Variants in RNF152 observed in about 807,000 individuals in gnomAD.
The protein encoded by RNF152 is ring finger protein 152.
Under a neutral mutation model 12.7 loss-of-function variants are expected in RNF152, and 11 were observed. The ratio of observed to expected loss-of-function variants is 0.86; its 90% CI spans 0.54 to 1.43. The LOEUF is 1.43. Among genes scored for constraint, RNF152 ranks in the 40% most tolerant of loss-of-function variants. The probability of loss-of-function intolerance (pLI) is 0.00; values close to 1 mark genes in which losing one functional copy is unlikely to be tolerated. For synonymous variants in RNF152, 113 were observed against 120.3 expected (o/e 0.94, Z 0.40); for missense variants, 255 against 274.8 (o/e 0.93, Z 0.51).
chr18:61,863,872 G>C (rs1419209822), intron 1 of RNF152, among the ~76,000 whole-genome samples: 3 of 152,208 alleles, frequency 2.0e-5, no homozygotes. Context: ...AGGACTGAAA[G>C]GGTTAAGCTG....
intron 1 of RNF152, among the ~76,000 whole-genome samples, chr18:61,857,658 C>A (rs529548157): frequency 2.0e-5 from 3 of 152,198 alleles, no homozygotes; most frequent in Admixed American, 1.3e-4. Flanking sequence ...TAGCAGATAA[C>A]ACAAGTTCCA....
chr18:61,825,198 C>G (rs1041339084), intron 1 of RNF152, among the ~76,000 whole-genome samples: 2 of 152,180 alleles, frequency 1.3e-5, no homozygotes, highest in Admixed American at 1.3e-4. Flanking sequence ...AAACAAGAGT[C>G]CTACCCTCAA....
chr18:61,849,071 G>A (rs1258206709), intron 1 of RNF152, among the ~76,000 whole-genome samples: 1 of 152,236 alleles, frequency 6.6e-6, no homozygotes, highest in East Asian at 1.9e-4. Context: ...TGAATCCCCC[G>A]GGGTTTGGGA....
chr18:61,829,633 A>AG (rs1454154209), intron 1 of RNF152, among the ~76,000 whole-genome samples: 1 of 147,002 alleles, frequency 6.8e-6, no homozygotes, highest in Non-Finnish European at 1.5e-5. Context: ...GGGCGGTTGA[A>AG]GGGGAGTGAA....
At chr18:61,841,921 G>GT (rs773658728) in intron 1 of RNF152, among the ~76,000 whole-genome samples, 4 of 152,190 alleles carry the variant, frequency 2.6e-5, no homozygotes, top group Admixed American at 6.5e-5. Flanking sequence ...CTCTACCACT[G>GT]TAACAGAAAG....
intron 1 of RNF152, among the ~76,000 whole-genome samples, chr18:61,841,734 C>T (rs150455762): frequency 1.2e-4 from 19 of 152,306 alleles, no homozygotes; most frequent in East Asian, 3.9e-4. Flanking sequence ...TCCATGAAAC[C>T]GCAAGTGAAG....
intron 1 of RNF152, among the ~76,000 whole-genome samples, chr18:61,817,505 C>A (rs1004042774): frequency 2.6e-5 from 4 of 152,104 alleles, no homozygotes; most frequent in African/African-American, 7.2e-5. Context: ...CAAATGACAT[C>A]AAAAATACAG....
intron 1 of RNF152, among the ~76,000 whole-genome samples, chr18:61,864,995 G>T (rs1167623930): frequency 6.6e-6 from 1 of 152,094 alleles, no homozygotes; most frequent in African/African-American, 2.4e-5. Context: ...ACTCCAGCTT[G>T]GGCAACAAGA....
chr18:61,854,076 G>T (rs1409154076), intron 1 of RNF152, among the ~76,000 whole-genome samples: 1 of 152,116 alleles, frequency 6.6e-6, no homozygotes, highest in East Asian at 1.9e-4. Context: ...CAAGCCCCAC[G>T]TTCTTTCTGC....
chr18:61,855,355 C>A (rs544105497), intron 1 of RNF152, among the ~76,000 whole-genome samples: 1 of 152,228 alleles, frequency 6.6e-6, no homozygotes, highest in Non-Finnish European at 1.5e-5. Context: ...ATGGCAGAAG[C>A]GGCCTGTTTG....
At chr18:61,835,356 G>A (rs1294387637) in intron 1 of RNF152, among the ~76,000 whole-genome samples, 3 of 152,172 alleles carry the variant, frequency 2.0e-5, no homozygotes, top group Non-Finnish European at 4.4e-5. Flanking sequence ...GTTTATGAAT[G>A]GCTTTGGAAT....
At chr18:61,854,919 G>A (rs746057472) in intron 1 of RNF152, among the ~76,000 whole-genome samples, 2 of 152,202 alleles carry the variant, frequency 1.3e-5, no homozygotes, top group African/African-American at 4.8e-5. Context: ...CAAGTTACAT[G>A]ATTTTCCTGA....
Position 61,887,212 on chromosome 18 carries a change from G to T in RNF152, c.-136+5583C>A, listed in dbSNP as rs187660172. ...AGAATATGAGCTTCCTCCCACAAGG[G>T]CAACTAAAAGTTATTAAGTGAGGGG... On this transcript the variant is annotated intron_variant, in intron 1 of 1. Coordinates refer to ENST00000312828, the MANE Select transcript of RNF152 (RefSeq NM_173557.3). 4.6e-5 allele frequency among the ~76,000 whole-genome samples: 7 copies of T among 152,304 alleles called. No homozygotes were observed. The East Asian group carries it at 9.7e-4, about 21-fold the overall frequency.
At chr18:61,850,342 C>T (rs1038310720) in intron 1 of RNF152, among the ~76,000 whole-genome samples, 10 of 152,230 alleles carry the variant, frequency 6.6e-5, no homozygotes, top group African/African-American at 1.9e-4. Context: ...ATGCAGAATG[C>T]TATCATTATC....
intron 1 of RNF152, among the ~76,000 whole-genome samples, chr18:61,891,284 T>G (rs1325477493): frequency 2.0e-5 from 3 of 152,210 alleles, no homozygotes; most frequent in African/African-American, 7.2e-5. Flanking sequence ...CAATGGACAC[T>G]TTATTATGAT....
chr18:61,839,709 CA>C (rs1372048087), intron 1 of RNF152, among the ~76,000 whole-genome samples: 2 of 152,104 alleles, frequency 1.3e-5, no homozygotes, highest in Non-Finnish European at 2.9e-5. Flanking sequence ...TCCTGGCTAA[CA>C]CAGCGACACC....
chr18:61,883,903 C>T (rs1030569642), intron 1 of RNF152, among the ~76,000 whole-genome samples: 5 of 152,170 alleles, frequency 3.3e-5, no homozygotes, highest in Non-Finnish European at 7.4e-5. Context: ...CCACTGAAAG[C>T]TTTACAGACT....
At chr18:61,844,456 T>C (rs1238003319) in intron 1 of RNF152, among the ~76,000 whole-genome samples, 1 of 152,214 alleles carries the variant, frequency 6.6e-6, no homozygotes, top group East Asian at 1.9e-4. Flanking sequence ...ATGCTTCACC[T>C]TGGCAAAAGA....
chr18:61,860,125 C>A (rs1747727560), intron 1 of RNF152, among the ~76,000 whole-genome samples: 1 of 152,098 alleles, frequency 6.6e-6, no homozygotes, highest in Admixed American at 6.5e-5. Context: ...CTGCCGACAG[C>A]ACGAGAAGCT....
Sources: allele counts gnomAD v4.1 joint callset (sites outside exome capture counted in the v4.1 genomes callset), GRCh38; gene constraint gnomAD v4.1.1; transcripts MANE v1.5; gene names NCBI Gene and HGNC (gene_info 2026-07-23, HGNC 2026-07-21).